The following BICD1 variants were observed in gnomAD, a reference collection of about 807,000 sequenced individuals.
BICD1 encodes BICD cargo adaptor 1, also known as protein bicaudal D homolog 1.
BICD1 carries 35 observed loss-of-function variants against 92.5 expected under a neutral mutation model. The observed-to-expected ratio is 0.38, with a 90% CI of 0.29 to 0.50. The LOEUF is 0.50. Ranked by LOEUF, BICD1 falls within the 20% of genes least tolerant of loss-of-function variation. The pLI is 0.93. For missense variants in BICD1, 950 were observed against 1,189.8 expected (o/e 0.80, Z 2.97); for synonymous variants, 429 against 465.1 (o/e 0.92, Z 1.00).
rs768297946 is a variant in BICD1 at position 32,327,622 on chromosome 12, T to C, written c.1167T>C (p.Ala389=). The change falls in exon 5 of 10, where the codon GCT becomes GCC. Residue 389 remains alanine (A), a synonymous_variant. Transcript: ENST00000652176. The part of the protein sequence containing the change: ...RGLQSSKELK[A]ELDGEKGRDS... ...TGCAAAGCAGCAAGGAGCTCAAGGC[T>C]GAGCTGGACGGGGAGAAGGGCCGGG... 1.2e-6 allele frequency: 2 copies of C among 1,613,998 alleles called. No individual in the cohort carries two copies. Among genetic ancestry groups the C allele is most frequent in the South Asian group, 2.2e-5 (2 of 91,056 alleles).
At chr12:32,171,429 G>C (rs945003996) in intron 1 of BICD1, among the ~76,000 whole-genome samples, 6 of 152,188 alleles carry the variant, frequency 3.9e-5, no homozygotes, top group Non-Finnish European at 8.8e-5. Flanking sequence ...GTGGCACTAG[G>C]TATTCTTATG....
chr12:32,157,658 A>G (rs1199283782), intron 1 of BICD1, among the ~76,000 whole-genome samples: 1 of 152,116 alleles, frequency 6.6e-6, no homozygotes, highest in Admixed American at 6.5e-5. Context: ...TTTCCTTGCC[A>G]CCATTCCCTT....
chr12:32,270,875 G>A (rs910375186), intron 2 of BICD1, among the ~76,000 whole-genome samples: 7 of 152,140 alleles, frequency 4.6e-5, no homozygotes, highest in African/African-American at 1.4e-4. Flanking sequence ...ACCTTGCTCC[G>A]TATAAAGGCT....
At chr12:32,160,264 C>T (rs1046251388) in intron 1 of BICD1, among the ~76,000 whole-genome samples, 2 of 152,188 alleles carry the variant, frequency 1.3e-5, no homozygotes, top group African/African-American at 2.4e-5. Context: ...AGAGATGTCC[C>T]CACAGCAAGG....
At chr12:32,198,727 A>G (rs954517673) in intron 1 of BICD1, among the ~76,000 whole-genome samples, 6 of 151,962 alleles carry the variant, frequency 3.9e-5, no homozygotes, top group African/African-American at 1.2e-4. Context: ...TGCTAAACCT[A>G]TCATCCTCAA....
intron 2 of BICD1, among the ~76,000 whole-genome samples, chr12:32,263,331 G>A (rs979766370): frequency 1.3e-5 from 2 of 152,030 alleles, no homozygotes; most frequent in South Asian, 2.1e-4. Flanking sequence ...GGTGGATCAC[G>A]AGGTCAGGAG....
At chr12:32,299,145 G>A (rs1947963833) in intron 3 of BICD1, among the ~76,000 whole-genome samples, 1 of 152,134 alleles carries the variant, frequency 6.6e-6, no homozygotes, top group Non-Finnish European at 1.5e-5. Flanking sequence ...GCTCTGAAAG[G>A]ATTATGATAT....
intron 1 of BICD1, among the ~76,000 whole-genome samples, chr12:32,216,023 A>T (rs188508665): frequency 1.3e-5 from 2 of 151,744 alleles, no homozygotes; most frequent in African/African-American, 4.8e-5. Flanking sequence ...TCTTTAATGC[A>T]TTACATCTTT....
chr12:32,219,281 T>A (rs996775261), intron 2 of BICD1, among the ~76,000 whole-genome samples: 1 of 152,204 alleles, frequency 6.6e-6, no homozygotes, highest in Admixed American at 6.5e-5. Context: ...CGTGCATATA[T>A]GTTGGGTGCA....
intron 4 of BICD1, among the ~76,000 whole-genome samples, chr12:32,312,740 A>G (rs571375405): frequency 8.5e-5 from 13 of 152,324 alleles, no homozygotes; most frequent in Admixed American, 3.3e-4. Context: ...AAATACAGTA[A>G]GAAAACATTT....
chr12:32,201,349 C>A (rs1944901399), intron 1 of BICD1, among the ~76,000 whole-genome samples: 1 of 152,102 alleles, frequency 6.6e-6, no homozygotes, highest in African/African-American at 2.4e-5. Flanking sequence ...GATAGACGTG[C>A]TTTTATACAA....
chr12:32,144,497 G>A (rs985154630), intron 1 of BICD1, among the ~76,000 whole-genome samples: 1 of 152,130 alleles, frequency 6.6e-6, no homozygotes, highest in Non-Finnish European at 1.5e-5. Flanking sequence ...CAAAGATTAT[G>A]GTTTAAACCA....
chr12:32,237,513 A>C (rs763405992), intron 2 of BICD1, among the ~76,000 whole-genome samples: 2 of 152,232 alleles, frequency 1.3e-5, no homozygotes, highest in Non-Finnish European at 2.9e-5. Flanking sequence ...AATGCTTCAA[A>C]GTTTCAAGGG....
intron 2 of BICD1, among the ~76,000 whole-genome samples, chr12:32,224,415 TTCTC>T (rs1945623808): frequency 6.6e-6 from 1 of 152,270 alleles, no homozygotes; most frequent in Non-Finnish European, 1.5e-5. Context: ...TTGCATTTAA[TTCTC>T]TCAACAAACT....
intron 1 of BICD1, among the ~76,000 whole-genome samples, chr12:32,198,264 T>A (rs751421835): frequency 2.7e-5 from 4 of 147,034 alleles, no homozygotes; most frequent in African/African-American, 5.0e-5. Context: ...ACCCTTAAAG[T>A]TTTTACGGCA....
At chr12:32,155,772 T>C (rs561676796) in intron 1 of BICD1, among the ~76,000 whole-genome samples, 31 of 152,348 alleles carry the variant, frequency 2.0e-4, no homozygotes, top group Admixed American at 1.0e-3. Context: ...TATTAAGATA[T>C]AGTCATTTAC....
intron 1 of BICD1, among the ~76,000 whole-genome samples, chr12:32,151,585 A>G (rs1169977874): frequency 1.3e-5 from 2 of 152,200 alleles, no homozygotes; most frequent in Non-Finnish European, 2.9e-5. Context: ...ATAAGTGTAC[A>G]TTATGTTGAT....
intron 8 of BICD1, among the ~76,000 whole-genome samples, chr12:32,342,864 A>G (rs1938432561): frequency 1.3e-5 from 2 of 152,184 alleles, no homozygotes. Context: ...AGAATCAACT[A>G]TAGGGTGAGG....
At chr12:32,227,915 A>G (rs1945752509) in intron 2 of BICD1, 1 of 163,680 alleles carries the variant, frequency 6.1e-6, no homozygotes, top group Non-Finnish European at 1.4e-5. Flanking sequence ...AGGCTAGTTG[A>G]TCTCACAGTC....
Sources: allele counts gnomAD v4.1 joint callset (sites outside exome capture counted in the v4.1 genomes callset), GRCh38; gene constraint gnomAD v4.1.1; transcripts MANE v1.5; gene names NCBI Gene and HGNC (gene_info 2026-07-23, HGNC 2026-07-21).